Variants in CATSPERT observed in about 807,000 individuals in gnomAD.
CATSPERT encodes the protein cation channel sperm-associated targeting subunit tau.
the CATSPERT span, among the ~76,000 whole-genome samples, chr2:201,519,231 A>G: frequency 1.3e-5 from 2 of 152,050 alleles, no homozygotes; most frequent in Non-Finnish European, 2.9e-5. Flanking sequence ...AACTCTCCCA[A>G]CCTAGGCCAC....
the CATSPERT span, among the ~76,000 whole-genome samples, chr2:201,523,873 T>C: frequency 1.3e-5 from 2 of 152,124 alleles, no homozygotes; most frequent in African/African-American, 2.4e-5. Context: ...AAAAGCAGAA[T>C]AGACCAAGCT....
chr2:201,588,104 C>T, the CATSPERT span, among the ~76,000 whole-genome samples: 1 of 152,074 alleles, frequency 6.6e-6, no homozygotes, highest in African/African-American at 2.4e-5. Context: ...TGAAACTATT[C>T]CCCAAAATTG....
chr2:201,531,408 G>C, the CATSPERT span, among the ~76,000 whole-genome samples: 1 of 152,058 alleles, frequency 6.6e-6, no homozygotes, highest in Non-Finnish European at 1.5e-5. Flanking sequence ...TTACTAGATA[G>C]TAAGATACAG....
chr2:201,534,097 G>GAT, the CATSPERT span, among the ~76,000 whole-genome samples: 85 of 150,378 alleles, frequency 5.7e-4, no homozygotes, highest in African/African-American at 1.7e-3. Context: ...TCAAATCTGA[G>GAT]ATATATATAT....
chr2:201,562,187 C>CTTTTTT, the CATSPERT span, among the ~76,000 whole-genome samples: 2 of 121,274 alleles, frequency 1.6e-5, no homozygotes, highest in African/African-American at 3.1e-5. Context: ...TCTAATAATT[C>CTTTTTT]TTTTTTTTTT....
the CATSPERT span, among the ~76,000 whole-genome samples, chr2:201,514,289 T>A: frequency 1.2e-4 from 19 of 152,122 alleles, no homozygotes; most frequent in Non-Finnish European, 2.6e-4. Flanking sequence ...AAACTTCTCA[T>A]AAAATTTAGC....
At chr2:201,566,654 G>A in the CATSPERT span, among the ~76,000 whole-genome samples, 18 of 151,796 alleles carry the variant, frequency 1.2e-4, no homozygotes, top group South Asian at 6.2e-4. Flanking sequence ...GAATAGTGCC[G>A]CAATAAACAT....
chr2:201,493,471 G>T, the CATSPERT span: 71 of 1,537,076 alleles, frequency 4.6e-5, no homozygotes, highest in Non-Finnish European at 5.8e-5. Flanking sequence ...ACCCAGCAAA[G>T]AACTCTTATG....
chr2:201,529,522 G>C, the CATSPERT span, among the ~76,000 whole-genome samples: 3 of 152,108 alleles, frequency 2.0e-5, no homozygotes, highest in Non-Finnish European at 4.4e-5. Flanking sequence ...TTTAATAAAT[G>C]ATGTTGGGAA....
At chr2:201,558,983 C>A in the CATSPERT span, among the ~76,000 whole-genome samples, 1 of 152,180 alleles carries the variant, frequency 6.6e-6, no homozygotes, top group Non-Finnish European at 1.5e-5. Context: ...GCTGGAGGAA[C>A]TGAAACTGCC....
chr2:201,588,094 T>A, the CATSPERT span, among the ~76,000 whole-genome samples: 1 of 152,142 alleles, frequency 6.6e-6, no homozygotes, highest in Non-Finnish European at 1.5e-5. Flanking sequence ...CCATTCCTAC[T>A]GAAACTATTC....
chr2:201,564,730 C>G, the CATSPERT span, among the ~76,000 whole-genome samples: 1 of 152,012 alleles, frequency 6.6e-6, no homozygotes, highest in African/African-American at 2.4e-5. Context: ...ATTTGCAAAC[C>G]AGGAAGAGGG....
At chr2:201,498,322 C>G in the CATSPERT span, among the ~76,000 whole-genome samples, 6 of 152,154 alleles carry the variant, frequency 3.9e-5, no homozygotes, top group Non-Finnish European at 8.8e-5. Context: ...GAGACTGCTA[C>G]TGCAAGTCCC....
chr2:201,618,982 G>GGTTC, the CATSPERT span: 1 of 1,614,018 alleles, frequency 6.2e-7, no homozygotes, highest in Non-Finnish European at 8.5e-7. Flanking sequence ...GTAAGGGACC[G>GGTTC]AAGAAGCCTC....
At chr2:201,547,371 T>G in the CATSPERT span, 1 of 514,714 alleles carries the variant, frequency 1.9e-6, no homozygotes, top group South Asian at 2.9e-5. Context: ...TCAAAACAGG[T>G]AAGTACCTGA....
chr2:201,563,937 A>G, the CATSPERT span, among the ~76,000 whole-genome samples: 1 of 152,224 alleles, frequency 6.6e-6, no homozygotes, highest in Non-Finnish European at 1.5e-5. Flanking sequence ...CCTTCAAGGC[A>G]TTTATGCCTT....
chr2:201,581,509 TATATATATATATATAA>T, the CATSPERT span, among the ~76,000 whole-genome samples: 1 of 92,892 alleles, frequency 1.1e-5, no homozygotes, highest in Non-Finnish European at 2.1e-5. Flanking sequence ...TATATATATA[TATATATATATATATAA>T]AATATTCTGG....
At chr2:201,497,042 T>C in the CATSPERT span, among the ~76,000 whole-genome samples, 1 of 152,238 alleles carries the variant, frequency 6.6e-6, no homozygotes. Context: ...TCAAATGACT[T>C]TCCTATACAT....
the CATSPERT span, among the ~76,000 whole-genome samples, chr2:201,577,766 A>G: frequency 2.6e-5 from 4 of 152,196 alleles, no homozygotes; most frequent in Non-Finnish European, 5.9e-5. Flanking sequence ...AGATGTGTAT[A>G]AAGTTAGACT....
Sources: gnomAD v4.1 joint callset for allele counts (sites outside exome capture counted in the v4.1 genomes callset) on GRCh38, gnomAD v4.1.1 for gene constraint, MANE v1.5 for transcripts, NCBI Gene and HGNC (gene_info 2026-07-23, HGNC 2026-07-21) for gene names.